The following KSR2 variants were observed in gnomAD, a reference collection of about 807,000 sequenced individuals.
The protein encoded by KSR2 is kinase suppressor of ras 2.
In KSR2, 25 loss-of-function variants were observed where a neutral mutation model predicts 107.8. That is an observed-to-expected ratio of 0.23 (90% CI 0.17 to 0.32). The LOEUF (loss-of-function observed/expected upper bound fraction) is 0.32. Ranked by LOEUF, KSR2 falls within the 10% of genes least tolerant of loss-of-function variation. The probability of loss-of-function intolerance (pLI) is 1.00; values close to 1 mark genes in which losing one functional copy is unlikely to be tolerated. For missense variants in KSR2, 887 were observed against 1,268.9 expected, an observed-to-expected ratio of 0.70 and a Z score of 4.57; for synonymous variants, 480 against 507.0, an observed-to-expected ratio of 0.95 and a Z score of 0.71.
intron 3 of KSR2, among the ~76,000 whole-genome samples, chr12:117,762,435 A>G (rs570949565): frequency 1.7e-4 from 26 of 152,328 alleles, no homozygotes; most frequent in African/African-American, 6.3e-4. Flanking sequence ...AAGACACAAA[A>G]GCAACACAGA....
At chr12:117,768,251 C>T (rs1889316294) in intron 3 of KSR2, among the ~76,000 whole-genome samples, 2 of 152,192 alleles carry the variant, frequency 1.3e-5, no homozygotes, top group South Asian at 4.1e-4. Context: ...GAGCTGGAGG[C>T]CAAGCATCTG....
intron 4 of KSR2, among the ~76,000 whole-genome samples, chr12:117,730,853 C>T (rs771321038): frequency 2.0e-5 from 3 of 152,292 alleles, no homozygotes; most frequent in East Asian, 1.9e-4. Flanking sequence ...GATCTCGGCT[C>T]GCTACAACCT....
At chr12:117,763,394 G>A (rs1235039285) in intron 3 of KSR2, among the ~76,000 whole-genome samples, 3 of 152,014 alleles carry the variant, frequency 2.0e-5, no homozygotes, top group Non-Finnish European at 4.4e-5. Context: ...TATTGACAGT[G>A]CAAATACAAA....
intron 4 of KSR2, among the ~76,000 whole-genome samples, chr12:117,751,958 T>A (rs1888626587): frequency 6.6e-6 from 1 of 152,208 alleles, no homozygotes; most frequent in South Asian, 2.1e-4. Flanking sequence ...CTTATAAATA[T>A]ATTAGAGATC....
intron 4 of KSR2, among the ~76,000 whole-genome samples, chr12:117,681,383 A>G (rs1885358324): frequency 6.6e-6 from 1 of 152,058 alleles, no homozygotes; most frequent in Non-Finnish European, 1.5e-5. Flanking sequence ...ATTTTGGCTG[A>G]GACCTGAATG....
At chr12:117,867,683 C>G (rs555963678) in intron 1 of KSR2, among the ~76,000 whole-genome samples, 4 of 152,164 alleles carry the variant, frequency 2.6e-5, no homozygotes, top group Non-Finnish European at 5.9e-5. Context: ...CCCAGACGTC[C>G]CAGCCAAAAC....
At chr12:117,868,404 C>T (rs951898902) in intron 1 of KSR2, among the ~76,000 whole-genome samples, 2 of 149,052 alleles carry the variant, frequency 1.3e-5, no homozygotes, top group Non-Finnish European at 3.0e-5. Context: ...GCCAGGGCAA[C>T]ACAGCAAGAC....
intron 5 of KSR2, among the ~76,000 whole-genome samples, chr12:117,655,606 T>C (rs912213641): frequency 6.6e-6 from 1 of 152,194 alleles, no homozygotes; most frequent in African/African-American, 2.4e-5. Context: ...TGCTTCCTGA[T>C]CCCACGACAT....
intron 3 of KSR2, among the ~76,000 whole-genome samples, chr12:117,848,806 A>ATG (rs1566048212): frequency 4.7e-5 from 6 of 126,732 alleles, no homozygotes; most frequent in South Asian, 2.5e-4. Flanking sequence ...TGGTAACAAC[A>ATG]GTGATGGTGG....
intron 1 of KSR2, among the ~76,000 whole-genome samples, chr12:117,935,133 A>C (rs984753011): frequency 6.6e-6 from 1 of 151,126 alleles, no homozygotes; most frequent in Non-Finnish European, 1.5e-5. Flanking sequence ...CTGCCTTCTT[A>C]TTCTTCTTCT....
Position 117,762,649 on chromosome 12 carries a change from G to A in KSR2, c.473-1125C>T, listed in dbSNP as rs967898130. On this transcript the variant is annotated intron_variant, in intron 3 of 19. Coordinates refer to ENST00000339824, the MANE Select transcript of KSR2 (RefSeq NM_173598.6). Reference sequence around the variant, plus strand: ...GGAGGCCGAGATGGGCAGATTACTTGAGGTCACGAGTTTGAGACCAGCCTG... The same window carrying A: ...GGAGGCCGAGATGGGCAGATTACTTAAGGTCACGAGTTTGAGACCAGCCTG... Among the ~76,000 whole-genome samples the A allele has an allele frequency of 6.6e-5, 10 of 152,260 alleles. No homozygotes were observed. The South Asian group carries it at 1.9e-3, about 28-fold the overall frequency.
At chr12:117,659,969 C>T (rs899171653) in intron 5 of KSR2, among the ~76,000 whole-genome samples, 10 of 152,236 alleles carry the variant, frequency 6.6e-5, no homozygotes, top group African/African-American at 2.4e-4. Flanking sequence ...GCAGCCACAC[C>T]TGCTGGGGCT....
rs1264178047 is a variant in KSR2, at chr12:117,968,867, C to A, written c.-612G>T. Reference sequence around the variant, plus strand: ...GCTCCCGCGGCTGCGGCGGCTACTGCGGCTGGCTGCTGTCTCCTCCCCGCG... The same window carrying A: ...GCTCCCGCGGCTGCGGCGGCTACTGAGGCTGGCTGCTGTCTCCTCCCCGCG... On this transcript the variant is annotated 5_prime_UTR_variant, in exon 1 of 20. Transcript: ENST00000339824. 5 of 226,438 alleles carry A rather than the reference C, an allele frequency of 2.2e-5. No homozygotes were observed. The highest frequency in any genetic ancestry group is 4.4e-5 in the Non-Finnish European group (5 of 113,862). The allele number at this position is 226,438 out of a possible 1,614,324, so 14.0% of individuals were successfully genotyped here.
chr12:117,717,721 G>A lies in KSR2; in HGVS notation c.986+43290C>T, dbSNP rs185808757. Among the ~76,000 whole-genome samples the A allele has an allele frequency of 4.6e-4, 69 of 150,880 alleles. 1 individual carries two copies. Among genetic ancestry groups the A allele is most frequent in the Non-Finnish European group, 3.1e-4 (21 of 67,602 alleles). ...TGTGTGTGTGTGTGTGTGCATGCGC[G>A]CGCGTGCATGCACGTGTGCCTGTCC... On this transcript the variant is annotated intron_variant, in intron 4 of 19. Coordinates refer to ENST00000339824, the MANE Select transcript of KSR2 (RefSeq NM_173598.6).
At chr12:117,620,100 T>C (rs929714708) in intron 5 of KSR2, among the ~76,000 whole-genome samples, 24 of 152,184 alleles carry the variant, frequency 1.6e-4, no homozygotes, top group African/African-American at 3.4e-4. Flanking sequence ...ATGTAGGTAT[T>C]ATTAGCCTCA....
chr12:117,721,752 C>G (rs1312025680), intron 4 of KSR2, among the ~76,000 whole-genome samples: 1 of 152,200 alleles, frequency 6.6e-6, no homozygotes, highest in African/African-American at 2.4e-5. Flanking sequence ...AAACTGGCAT[C>G]TTATTTCTTA....
intron 5 of KSR2, among the ~76,000 whole-genome samples, chr12:117,586,036 A>G (rs931189900): frequency 2.6e-5 from 4 of 152,322 alleles, no homozygotes; most frequent in African/African-American, 9.6e-5. Context: ...AAAGCCAGGA[A>G]CCCTGGTCTT....
At chr12:117,607,924 C>T (rs373306652) in intron 5 of KSR2, among the ~76,000 whole-genome samples, 1 of 152,140 alleles carries the variant, frequency 6.6e-6, no homozygotes. Flanking sequence ...GCGTGAGCAG[C>T]GGTTCCTTGC....
intron 17 of KSR2, 87 bp downstream of exon 17, chr12:117,476,377 C>T (rs1033575827): frequency 9.6e-6 from 14 of 1,458,232 alleles, no homozygotes; most frequent in Non-Finnish European, 1.2e-5. Context: ...CAGGTACACC[C>T]TGGCCCTTCC....
Sources: gnomAD v4.1 joint callset for allele counts (sites outside exome capture counted in the v4.1 genomes callset) on GRCh38, gnomAD v4.1.1 for gene constraint, MANE v1.5 for transcripts, NCBI Gene and HGNC (gene_info 2026-07-23, HGNC 2026-07-21) for gene names.